The following STRN variants were observed in gnomAD, a reference collection of about 807,000 sequenced individuals.
The protein encoded by STRN is striatin.
In STRN, 53 loss-of-function variants were observed where a neutral mutation model predicts 96.3. The ratio of observed to expected loss-of-function variants is 0.55; its 90% CI spans 0.44 to 0.69. The LOEUF (loss-of-function observed/expected upper bound fraction) is 0.69, where lower values mean the gene tolerates loss of function less well. Ranked by LOEUF, STRN falls within the 30% of genes least tolerant of loss-of-function variation. The pLI, the probability that STRN is intolerant of heterozygous loss-of-function variation, is 0.00. For missense variants in STRN, 987 were observed against 963.9 expected (o/e 1.02, Z -0.32); for synonymous variants, 428 against 355.9 (o/e 1.20, Z -2.28).
At chr2:36,925,050 C>A in intron 2 of STRN, 55 bp downstream of exon 2, 3 of 1,532,620 alleles carry the variant, frequency 2.0e-6, no homozygotes, top group South Asian at 1.1e-5. Context: ...GAACGAAACT[C>A]CGTCTCAAAA....
chr2:36,884,105 A>T, intron 8 of STRN, 30 bp from the exon 9 acceptor site: 1 of 1,314,950 alleles, frequency 7.6e-7, no homozygotes, highest in Non-Finnish European at 9.8e-7. Context: ...GTGGGAGGAG[A>T]TAAAAAAGAG....
intron 9 of STRN, among the ~76,000 whole-genome samples, chr2:36,880,994 C>A (rs1340061011): frequency 1.3e-5 from 2 of 152,042 alleles, no homozygotes; most frequent in Non-Finnish European, 2.9e-5. Flanking sequence ...TCCTAAGGAG[C>A]CTTAGAACTT....
rs1261994825 is a variant in STRN, at chr2:36,842,070, T to C, written c.*7386A>G. The C allele has an allele frequency of 1.3e-5, 2 of 152,208 alleles. No individual in the cohort carries two copies. The highest frequency in any genetic ancestry group is 1.9e-4 in the East Asian group (1 of 5,202). The allele number at this position is 152,208 out of a possible 1,614,324, so 9.4% of individuals were successfully genotyped here. A position where few individuals can be genotyped will look rare whatever the true frequency, so the allele number is the denominator to read the frequency against. ...GTTTATGCATGAAAAATTATTGTCT[T>C]GGTCCCATTTCCAAAGGGAAGTAGT... is the stretch of plus-strand genomic sequence containing the variant. On this transcript the variant is annotated 3_prime_UTR_variant, in exon 18 of 18. Coordinates refer to ENST00000263918, the MANE Select transcript of STRN (RefSeq NM_003162.4).
intron 1 of STRN, among the ~76,000 whole-genome samples, chr2:36,959,192 A>C (rs1664968846): frequency 1.3e-5 from 2 of 152,188 alleles, no homozygotes; most frequent in Admixed American, 1.3e-4. Context: ...AAAATCTTAA[A>C]TGCAACCAAT....
chr2:36,906,074 T>C (rs1270795185), intron 3 of STRN, among the ~76,000 whole-genome samples: 1 of 152,216 alleles, frequency 6.6e-6, no homozygotes, highest in Non-Finnish European at 1.5e-5. Flanking sequence ...TACCCCATTT[T>C]CCATGATGTG....
chr2:36,848,787 T>C lies in STRN; in HGVS notation c.*669A>G, dbSNP rs2148121487. ...ATGATACCAAATCTGTTTTCAAAAC[T>C]GTAATACAATATAGAAATCTGCTTG... is the stretch of plus-strand genomic sequence containing the variant. On this transcript the variant is annotated 3_prime_UTR_variant, in exon 18 of 18. Transcript: ENST00000263918. 6.5e-6 allele frequency: 1 copy of C among 152,704 alleles called. No individual in the cohort carries two copies. The highest frequency in any genetic ancestry group is 3.4e-3 in the Middle Eastern group (1 of 294). The allele number at this position is 152,704 out of a possible 1,614,324, so 9.5% of individuals were successfully genotyped here. A position where few individuals can be genotyped will look rare whatever the true frequency, so the allele number is the denominator to read the frequency against.
chr2:36,873,130 T>C (rs1668808629), intron 10 of STRN, among the ~76,000 whole-genome samples: 1 of 152,118 alleles, frequency 6.6e-6, no homozygotes, highest in South Asian at 2.1e-4. Flanking sequence ...AAGGGTAAAC[T>C]AGAAAAAGCC....
intron 13 of STRN, among the ~76,000 whole-genome samples, chr2:36,859,436 T>G (rs1291819959): frequency 6.6e-6 from 1 of 152,216 alleles, no homozygotes. Context: ...ACAGGGAATC[T>G]GAAGTAATTC....
At chr2:36,877,860 T>A (rs904128650) in intron 10 of STRN, 31 bp downstream of exon 10, 5 of 1,610,966 alleles carry the variant, frequency 3.1e-6, no homozygotes, top group Non-Finnish European at 4.2e-6. Context: ...AAAAACCAAG[T>A]AAACACAACA....
At chr2:36,911,274 TATC>T (rs1372797748) in intron 3 of STRN, among the ~76,000 whole-genome samples, 1 of 152,200 alleles carries the variant, frequency 6.6e-6, no homozygotes, top group East Asian at 1.9e-4. Context: ...TCTTAGGTCT[TATC>T]ATCATGAACA....
chr2:36,893,824 G>A (rs1423240007), intron 7 of STRN, 74 bp downstream of exon 7: 2 of 1,493,114 alleles, frequency 1.3e-6, no homozygotes, highest in Non-Finnish European at 1.8e-6. Flanking sequence ...TAGTTAAGAT[G>A]TTGCCCTCCT....
chr2:36,942,629 T>C lies in STRN; in HGVS notation c.235-17421A>G, dbSNP rs114259665. Among the ~76,000 whole-genome samples the C allele has an allele frequency of 6.2e-3, 947 of 152,312 alleles. 9 individuals are homozygous for C. Among genetic ancestry groups the C allele is most frequent in the African/African-American group, 0.022 (909 of 41,572 alleles). On this transcript the variant is annotated intron_variant, in intron 1 of 17. Transcript: ENST00000263918. ...TTAATAGATACTGACCAATTGACAA[T>C]ACCACGAACAAGGTATGAGGGTAAA...
intron 3 of STRN, among the ~76,000 whole-genome samples, chr2:36,905,984 C>T (rs3845778): frequency 0.59 from 89,761 of 151,910 alleles, 28,651 homozygotes; most frequent in African/African-American, 0.85. Flanking sequence ...CCAATAATAA[C>T]AATAATTGAA....
At chr2:36,957,876 G>A (rs1345030247) in intron 1 of STRN, among the ~76,000 whole-genome samples, 10 of 136,000 alleles carry the variant, frequency 7.4e-5, no homozygotes, top group East Asian at 2.5e-4. Context: ...TCAGCCCCCC[G>A]AGTAGCTGGG....
intron 1 of STRN, among the ~76,000 whole-genome samples, chr2:36,927,536 G>T (rs563354866): frequency 0.017 from 2,174 of 126,928 alleles, 65 homozygotes; most frequent in African/African-American, 0.061. Flanking sequence ...GGGGGGGGGG[G>T]TGGTAATCAG....
chr2:36,916,496 T>TAA (rs150467954), intron 2 of STRN, among the ~76,000 whole-genome samples: 4 of 135,990 alleles, frequency 2.9e-5, no homozygotes, highest in African/African-American at 5.4e-5. Context: ...CAAAAACAGT[T>TAA]AAAAAAAAAA....
At chr2:36,885,800 TACATTTCTC>T (rs1669205916) in intron 8 of STRN, among the ~76,000 whole-genome samples, 1 of 152,132 alleles carries the variant, frequency 6.6e-6, no homozygotes, top group South Asian at 2.1e-4. Context: ...AACTTTAAAA[TACATTTCTC>T]ACTAAGTTAG....
chr2:36,884,915 A>T (rs1233299547), intron 8 of STRN, among the ~76,000 whole-genome samples: 1 of 152,130 alleles, frequency 6.6e-6, no homozygotes, highest in Non-Finnish European at 1.5e-5. Context: ...CTAAGTCTTT[A>T]CTTGTTCCTA....
Position 36,855,225 on chromosome 2 carries a change from G to T in STRN, c.1965C>A (p.Ser655=). ...ETQQRILTLE[S]NVDTTANSSC... is the part of the protein sequence containing the mutation. The stretch of plus-strand genomic sequence containing the variant: ...TGGTATGCATACTTGTATCTACATT[G>T]GATTCTAAAGTGAGAATGCGTTGTT... Residue 655 remains serine (S), a synonymous_variant, in exon 15 of 18, where the codon TCC becomes TCA. Transcript: ENST00000263918. 1 of 1,613,388 alleles carries T rather than the reference G, an allele frequency of 6.2e-7. No homozygotes were observed. Among genetic ancestry groups the T allele is most frequent in the Non-Finnish European group, 8.5e-7 (1 of 1,179,634 alleles).
Sources: allele counts gnomAD v4.1 joint callset (sites outside exome capture counted in the v4.1 genomes callset), GRCh38; gene constraint gnomAD v4.1.1; transcripts MANE v1.5; gene names NCBI Gene and HGNC (gene_info 2026-07-23, HGNC 2026-07-21).